FNBP4: variants seen among roughly 807,000 people sequenced by gnomAD.
FNBP4 encodes formin binding protein 4.
Under a neutral mutation model 119.3 loss-of-function variants are expected in FNBP4, and 34 were observed. The ratio of observed to expected loss-of-function variants is 0.28; its 90% CI spans 0.22 to 0.38. The LOEUF is 0.38. Ranked by LOEUF, FNBP4 falls within the 10% of genes least tolerant of loss-of-function variation. The probability of loss-of-function intolerance (pLI) is 1.00; values close to 1 mark genes in which losing one functional copy is unlikely to be tolerated. For synonymous variants in FNBP4, 462 were observed against 430.6 expected (o/e 1.07, Z -0.90); for missense variants, 1,112 against 1,228.9 (o/e 0.90, Z 1.42).
At chr11:47,761,602 A>T (rs2097634698) in intron 2 of FNBP4, among the ~76,000 whole-genome samples, 1 of 152,040 alleles carries the variant, frequency 6.6e-6, no homozygotes, top group South Asian at 2.1e-4. Flanking sequence ...AAAGCAAAAA[A>T]AAAAAGAGAA....
intron 16 of FNBP4, among the ~76,000 whole-genome samples, chr11:47,719,642 G>A (rs1565117267): frequency 6.6e-6 from 1 of 150,538 alleles, no homozygotes; most frequent in Non-Finnish European, 1.5e-5. Flanking sequence ...GATCTAGATA[G>A]TAAATGATGT....
At chr11:47,749,620 A>G (rs1407015427) in intron 6 of FNBP4, among the ~76,000 whole-genome samples, 1 of 152,170 alleles carries the variant, frequency 6.6e-6, no homozygotes, top group Non-Finnish European at 1.5e-5. Flanking sequence ...TTGAAGATAA[A>G]TTGGAATTCA....
chr11:47,762,776 G>A (rs753018440), intron 2 of FNBP4, among the ~76,000 whole-genome samples: 2 of 151,810 alleles, frequency 1.3e-5, no homozygotes, highest in Admixed American at 6.6e-5. Context: ...TGGGCATGGT[G>A]GCGTGGGCCC....
intron 9 of FNBP4, among the ~76,000 whole-genome samples, chr11:47,736,208 T>G (rs893636069): frequency 6.9e-6 from 1 of 144,662 alleles, no homozygotes; most frequent in African/African-American, 2.6e-5. Context: ...GCCACGGCAC[T>G]CCAGCCTGGA....
chr11:47,751,640 T>G (rs1361835869), intron 4 of FNBP4, among the ~76,000 whole-genome samples: 1 of 152,136 alleles, frequency 6.6e-6, no homozygotes, highest in Admixed American at 6.6e-5. Context: ...TAGAGTCACC[T>G]TTGAACACAT....
chr11:47,738,293 A>G (rs1343112454), intron 8 of FNBP4, among the ~76,000 whole-genome samples: 2 of 152,044 alleles, frequency 1.3e-5, no homozygotes, highest in African/African-American at 2.4e-5. Flanking sequence ...ATGGCCGGGC[A>G]TGGTGCCTCA....
At chr11:47,724,387 C>A in intron 13 of FNBP4, 81 bp downstream of exon 13, 1 of 1,602,394 alleles carries the variant, frequency 6.2e-7, no homozygotes, top group Non-Finnish European at 8.5e-7. Context: ...GGCCTTTAAA[C>A]ATATGCTTCT....
chr11:47,742,914 G>GA (rs2135177675), intron 8 of FNBP4, among the ~76,000 whole-genome samples: 1 of 151,666 alleles, frequency 6.6e-6, no homozygotes, highest in Admixed American at 6.6e-5. Flanking sequence ...AAAAAGAAAA[G>GA]AAAAAATTCA....
chr11:47,735,533 C>T (rs1310870135), intron 9 of FNBP4, among the ~76,000 whole-genome samples: 2 of 152,196 alleles, frequency 1.3e-5, no homozygotes, highest in East Asian at 1.9e-4. Flanking sequence ...GTATTTCACA[C>T]AGGAATTAAA....
chr11:47,766,633 AAG>A (rs1175117312), intron 1 of FNBP4, among the ~76,000 whole-genome samples: 2 of 152,242 alleles, frequency 1.3e-5, no homozygotes, highest in African/African-American at 4.8e-5. Context: ...CTGGAATATT[AAG>A]AGCTTTTTCT....
chr11:47,747,227 C>T (rs554037266), intron 6 of FNBP4, among the ~76,000 whole-genome samples: 17 of 152,034 alleles, frequency 1.1e-4, no homozygotes, highest in African/African-American at 3.9e-4. Flanking sequence ...GTTTTTGAGA[C>T]GAACTCTCGC....
At position 47,717,299 on chromosome 11, in the gene FNBP4, G is replaced by C; in HGVS notation, c.*123C>G. On this transcript the variant is annotated 3_prime_UTR_variant, in exon 17 of 17. Coordinates refer to ENST00000263773, the MANE Select transcript of FNBP4 (RefSeq NM_015308.5). Reference sequence around the variant, plus strand: ...GAAAACTTTGTATGCATACACTCTTGCCCAGGAAATTTATAAGATCTCCCC... The same window carrying C: ...GAAAACTTTGTATGCATACACTCTTCCCCAGGAAATTTATAAGATCTCCCC... 2 of 674,468 alleles carry C rather than the reference G, an allele frequency of 3.0e-6. No homozygotes were observed. Among genetic ancestry groups the C allele is most frequent in the Middle Eastern group, 8.1e-4 (2 of 2,458 alleles). The allele number at this position is 674,468 out of a possible 1,614,324, so 41.8% of individuals were successfully genotyped here.
intron 1 of FNBP4, 92 bp from the exon 2 acceptor site, chr11:47,765,454 G>A (rs770381889): frequency 1.1e-6 from 1 of 890,182 alleles, no homozygotes; most frequent in African/African-American, 1.7e-5. Flanking sequence ...AAACACTAGA[G>A]GTGACAAACC....
In FNBP4 at chr11:47,732,355, CT is replaced by C; in HGVS notation, c.1820+181del. ...GTTACATGGAACACTTTAAACATTGCTTTTGTTTCTCCAATGTGTGGCTGGC... is the reference window on the plus strand; with the variant it reads ...GTTACATGGAACACTTTAAACATTGCTTTGTTTCTCCAATGTGTGGCTGGC... On this transcript the variant is annotated intron_variant, in intron 11 of 16. Transcript: ENST00000263773. The surrounding 1 kb of genome is among the most constrained non-coding windows in gnomAD (Gnocchi z 4.2). 6.7e-7 allele frequency: 1 copy of C among 1,497,920 alleles called. No individual in the cohort carries two copies. Among genetic ancestry groups the C allele is most frequent in the Non-Finnish European group, 8.9e-7 (1 of 1,128,116 alleles). 92.8% of individuals were successfully genotyped at this position (1,497,920 alleles called of 1,614,324 possible).
intron 7 of FNBP4, among the ~76,000 whole-genome samples, chr11:47,745,651 T>A (rs1334566315): frequency 6.6e-6 from 1 of 152,126 alleles, no homozygotes; most frequent in Non-Finnish European, 1.5e-5. Context: ...TCCCTGTTCT[T>A]ACACCTCCTC....
chr11:47,723,879 G>GTTT (rs78450562), intron 14 of FNBP4, 149 bp downstream of exon 14: 450 of 558,438 alleles, frequency 8.1e-4, no homozygotes, highest in South Asian at 1.8e-3. Context: ...ACTGTCAAAA[G>GTTT]TTTTTTTTTT....
chr11:47,746,492 G>GC, intron 6 of FNBP4, 98 bp from the exon 7 acceptor site: 2 of 1,074,920 alleles, frequency 1.9e-6, no homozygotes, highest in Non-Finnish European at 2.6e-6. Context: ...ACTGTTTTCA[G>GC]TAGCTGAATA....
Position 47,762,085 on chromosome 11 carries a change from G to C in FNBP4, c.313+3185C>G, listed in dbSNP as rs138107302. ...ACTCCAGACCTCAGATGATCCGCCA[G>C]CTTCAGCCTCCCAAAGTGCTGGGAT... On this transcript the variant is annotated intron_variant, in intron 2 of 16. Coordinates refer to ENST00000263773, the MANE Select transcript of FNBP4 (RefSeq NM_015308.5). Among the ~76,000 whole-genome samples the C allele has an allele frequency of 8.1e-4, 122 of 151,064 alleles. 1 individual carries two copies. Among genetic ancestry groups the C allele is most frequent in the African/African-American group, 2.4e-3 (100 of 41,196 alleles).
intron 2 of FNBP4, among the ~76,000 whole-genome samples, chr11:47,764,810 GAA>G (rs1344978899): frequency 1.3e-5 from 2 of 152,154 alleles, no homozygotes; most frequent in Admixed American, 1.3e-4. Context: ...GTCTAAGTGT[GAA>G]TGCCAGAGTG....
Sources: allele counts gnomAD v4.1 joint callset (sites outside exome capture counted in the v4.1 genomes callset), GRCh38; gene constraint gnomAD v4.1.1; non-coding constraint Gnocchi (gnomAD v3.1); transcripts MANE v1.5; gene names NCBI Gene and HGNC (gene_info 2026-07-23, HGNC 2026-07-21).